Variants in PPP2R3B observed in about 807,000 individuals in gnomAD.
PPP2R3B encodes serine/threonine-protein phosphatase 2A regulatory subunit B'' subunit beta.
PPP2R3B carries 68 observed loss-of-function variants against 72.9 expected under a neutral mutation model. The ratio of observed to expected loss-of-function variants is 0.93; its 90% CI spans 0.77 to 1.14. The LOEUF is 1.14. Among genes scored for constraint, PPP2R3B ranks in the 50% most tolerant of loss-of-function variants. The probability of loss-of-function intolerance (pLI) is 0.00; values close to 1 mark genes in which losing one functional copy is unlikely to be tolerated. For missense variants in PPP2R3B, 1,018 were observed against 842.0 expected, an observed-to-expected ratio of 1.21 and a Z score of -2.59; for synonymous variants, 466 against 375.8, an observed-to-expected ratio of 1.24 and a Z score of -2.78.
chrX:334,423 C>T lies in PPP2R3B; in HGVS notation c.1672G>A (p.Gly558Ser). The T allele has an allele frequency of 1.3e-6, 2 of 1,593,872 alleles. No individual in the cohort carries two copies. The highest frequency in any genetic ancestry group is 1.7e-6 in the Non-Finnish European group (2 of 1,175,532). Residue 558 changes from glycine to serine, a missense_variant, in exon 13 of 13, where the codon GGC becomes AGC. By Grantham distance (56) the Gly-to-Ser change is moderately conservative (BLOSUM62 0). Coordinates refer to ENST00000390665, the MANE Select transcript of PPP2R3B (RefSeq NM_013239.5). ...RPFFEAPSPL[G>S]AVDLYEYACG... ...GCGTACTCGTACAGGTCCACGGCGCCCAGCGGTGAGGGCGCCTCGAAGAAG... is the reference window on the plus strand; with the variant it reads ...GCGTACTCGTACAGGTCCACGGCGCTCAGCGGTGAGGGCGCCTCGAAGAAG...
chrX:355,835 CAGCAGAGAAAAGTCCA>C (rs1474017223), intron 2 of PPP2R3B, among the ~76,000 whole-genome samples: 6 of 152,234 alleles, frequency 3.9e-5, no homozygotes, highest in African/African-American at 1.4e-4. Flanking sequence ...CGTCAGAAAG[CAGCAGAGAAAAGTCCA>C]GCGCACGTGC....
chrX:356,117 A>G (rs1266121598), intron 2 of PPP2R3B, among the ~76,000 whole-genome samples: 2 of 152,232 alleles, frequency 1.3e-5, no homozygotes, highest in African/African-American at 4.8e-5. Flanking sequence ...CACGCACAGA[A>G]CGGCTAAAGG....
intron 1 of PPP2R3B, among the ~76,000 whole-genome samples, chrX:383,115 C>T (rs188023318): frequency 0.011 from 1,670 of 152,300 alleles, 29 homozygotes; most frequent in African/African-American, 0.039. Flanking sequence ...CTGAGCCAGA[C>T]GGTCTCCAAG....
At chrX:366,980 G>T (rs373660849) in intron 1 of PPP2R3B, among the ~76,000 whole-genome samples, 2 of 122,112 alleles carry the variant, frequency 1.6e-5, no homozygotes, top group Non-Finnish European at 3.7e-5. Context: ...GTGAGCTGAG[G>T]TCGCACCACT....
chrX:338,312 G>A (rs6603211), intron 12 of PPP2R3B: 151,643 of 560,276 alleles, frequency 0.27, 21,463 homozygotes, highest in Middle Eastern at 0.32. Context: ...GGCGAAACAC[G>A]ACTCGGCCTC....
chrX:374,778 G>A lies in PPP2R3B; in HGVS notation c.324+11590C>T, dbSNP rs145375384. 2.1e-3 allele frequency among the ~76,000 whole-genome samples: 321 copies of A among 152,272 alleles called. 1 individual carries two copies. Among genetic ancestry groups the A allele is most frequent in the African/African-American group, 7.5e-3 (311 of 41,564 alleles). ...CACTATCACCCCGAGTCAACAGCGTGCACTGGGCTCTCCCGCTGCCGCACG... is the reference window on the plus strand; with the variant it reads ...CACTATCACCCCGAGTCAACAGCGTACACTGGGCTCTCCCGCTGCCGCACG... On this transcript the variant is annotated intron_variant, in intron 1 of 12. Coordinates refer to ENST00000390665, the MANE Select transcript of PPP2R3B (RefSeq NM_013239.5).
chrX:344,326 G>C (rs1296030827), intron 7 of PPP2R3B, among the ~76,000 whole-genome samples: 1 of 150,236 alleles, frequency 6.7e-6, no homozygotes, highest in African/African-American at 2.4e-5. Flanking sequence ...GAGGCGGGAG[G>C]GAGACCTCAC....
At chrX:338,528 TCC>T (rs376645743) in intron 12 of PPP2R3B, 74 bp downstream of exon 12, 7 of 444,506 alleles carry the variant, frequency 1.6e-5, no homozygotes, top group Non-Finnish European at 2.3e-5. Flanking sequence ...ACACCCGTCC[TCC>T]CACTCACCCG....
At chrX:379,514 T>C (rs755228716) in intron 1 of PPP2R3B, among the ~76,000 whole-genome samples, 9 of 152,344 alleles carry the variant, frequency 5.9e-5, no homozygotes, top group African/African-American at 1.9e-4. Context: ...CGCCCGTGTT[T>C]ATCTCCAAAT....
chrX:344,363 G>A lies in PPP2R3B; in HGVS notation c.1036+1153C>T, dbSNP rs1319330564. Reference sequence around the variant, plus strand: ...AACGGGAGGCAGGAGTGAAAGCACCGTCGCCGTCAGCTTGGGCCACGAGAA... The same window carrying A: ...AACGGGAGGCAGGAGTGAAAGCACCATCGCCGTCAGCTTGGGCCACGAGAA... On this transcript the variant is annotated intron_variant, in intron 7 of 12. Coordinates refer to ENST00000390665, the MANE Select transcript of PPP2R3B (RefSeq NM_013239.5). 7.9e-5 allele frequency among the ~76,000 whole-genome samples: 12 copies of A among 152,314 alleles called. 1 individual carries two copies. In the East Asian group the frequency reaches 1.7e-3, roughly 22 times the overall value.
intron 1 of PPP2R3B, among the ~76,000 whole-genome samples, chrX:383,918 T>G (rs1259572330): frequency 6.6e-6 from 1 of 150,514 alleles, no homozygotes; most frequent in Non-Finnish European, 1.5e-5. Flanking sequence ...GGATGGGAGT[T>G]TGGACACACC....
At chrX:338,747 GCGGCC>G (rs759081343) in intron 11 of PPP2R3B, 26 bp downstream of exon 11, 21 of 1,611,712 alleles carry the variant, frequency 1.3e-5, no homozygotes, top group Non-Finnish European at 1.6e-5. Flanking sequence ...ACGGCGTGGC[GCGGCC>G]CGGCCCGCGT....
intron 6 of PPP2R3B, 34 bp from the exon 7 acceptor site, chrX:345,706 C>T: frequency 1.2e-6 from 2 of 1,606,108 alleles, no homozygotes; most frequent in Non-Finnish European, 1.7e-6. Flanking sequence ...GAGCGCGGGG[C>T]CTCTGCGGGG....
intron 12 of PPP2R3B, chrX:336,978 G>C (rs1172715716): frequency 6.6e-6 from 1 of 152,230 alleles, no homozygotes; most frequent in African/African-American, 2.4e-5. Context: ...TTTGGAAATG[G>C]AGTTTTGCTC....
At chrX:361,296 C>A in intron 2 of PPP2R3B, 109 bp downstream of exon 2, 1 of 1,239,016 alleles carries the variant, frequency 8.1e-7, no homozygotes, top group Non-Finnish European at 1.1e-6. Context: ...CTCGGCCGTG[C>A]CGCCTCACTC....
intron 1 of PPP2R3B, among the ~76,000 whole-genome samples, chrX:385,692 T>G (rs991741095): frequency 5.3e-5 from 8 of 152,046 alleles, no homozygotes; most frequent in Admixed American, 2.6e-4. Context: ...TCCCAGCTAC[T>G]GGGGAGGCTG....
At chrX:342,069 G>C in intron 7 of PPP2R3B, 138 bp from the exon 8 acceptor site, 2 of 990,648 alleles carry the variant, frequency 2.0e-6, no homozygotes, top group Non-Finnish European at 3.2e-6. Flanking sequence ...CCGGGGCCCC[G>C]ATGCCCCTGC....
intron 1 of PPP2R3B, among the ~76,000 whole-genome samples, chrX:374,213 G>A (rs1271536349): frequency 6.6e-6 from 1 of 152,130 alleles, no homozygotes; most frequent in African/African-American, 2.4e-5. Context: ...CGCTCCCCGC[G>A]AGAAGTGAGG....
chrX:335,579 G>A (rs1255468816), intron 12 of PPP2R3B: 1 of 152,216 alleles, frequency 6.6e-6, no homozygotes, highest in African/African-American at 2.4e-5. Flanking sequence ...TAACCAGAAA[G>A]TATTTTGAGC....
Sources: allele counts gnomAD v4.1 joint callset (sites outside exome capture counted in the v4.1 genomes callset), GRCh38; gene constraint gnomAD v4.1.1; transcripts MANE v1.5; gene names NCBI Gene and HGNC (gene_info 2026-07-23, HGNC 2026-07-21).